Variants in PLBD1 observed in about 807,000 individuals in gnomAD.
PLBD1 encodes the protein lysosomal leucine aminopeptidase.
In PLBD1, 60 loss-of-function variants were observed where a neutral mutation model predicts 63.0. The observed-to-expected ratio is 0.95, with a 90% confidence interval of 0.77 to 1.18. PLBD1 has a LOEUF of 1.18. Among genes scored for constraint, PLBD1 ranks in the 50% most tolerant of loss-of-function variants. PLBD1 has a pLI of 0.00. For synonymous variants in PLBD1, 262 were observed against 248.0 expected (o/e 1.06, Z -0.53); for missense variants, 598 against 677.9 (o/e 0.88, Z 1.31).
chr12:14,525,682 AACACACACACACACAC>A (rs57722328), intron 6 of PLBD1, among the ~76,000 whole-genome samples: 6 of 149,128 alleles, frequency 4.0e-5, no homozygotes, highest in Non-Finnish European at 8.9e-5. Flanking sequence ...CTTACTTCTC[AACACACACACACACAC>A]ACACACACAC....
intron 6 of PLBD1, among the ~76,000 whole-genome samples, chr12:14,517,947 G>A (rs2136909536): frequency 6.6e-6 from 1 of 152,298 alleles, no homozygotes; most frequent in Non-Finnish European, 1.5e-5. Context: ...TTGGGAGGCT[G>A]AGGCAGGCGG....
intron 6 of PLBD1, among the ~76,000 whole-genome samples, chr12:14,532,910 G>A (rs1364206627): frequency 6.6e-6 from 1 of 152,212 alleles, no homozygotes; most frequent in Non-Finnish European, 1.5e-5. Flanking sequence ...GTAATTCCAA[G>A]CTGGGAGGGT....
rs1370842583 is a variant in PLBD1 at position 14,503,681 on chromosome 12, A to G, written c.*91T>C. The G allele has an allele frequency of 3.2e-6, 4 of 1,252,216 alleles. No individual in the cohort carries two copies. The East Asian group carries it at 9.4e-5, about 29-fold the overall frequency. 77.6% of individuals were successfully genotyped at this position (1,252,216 alleles called of 1,614,324 possible). A position where few individuals can be genotyped will look rare whatever the true frequency, so the allele number is the denominator to read the frequency against. On this transcript the variant is annotated 3_prime_UTR_variant, in exon 11 of 11. Transcript: ENST00000240617. ...GGAAATGAAAGTGACAAATTAATAT[A>G]TTTTATTGCATAATTCTGATGGGAA...
intron 2 of PLBD1, among the ~76,000 whole-genome samples, chr12:14,552,695 G>A (rs1337282287): frequency 6.6e-6 from 1 of 152,184 alleles, no homozygotes; most frequent in East Asian, 1.9e-4. Context: ...GAGGTCAGGA[G>A]TTTAGGACCA....
chr12:14,551,907 T>TA (rs1436144482), intron 2 of PLBD1, among the ~76,000 whole-genome samples: 2 of 152,180 alleles, frequency 1.3e-5, no homozygotes, highest in Non-Finnish European at 2.9e-5. Flanking sequence ...TAAACATGTT[T>TA]AAAAAATCTA....
intron 4 of PLBD1, among the ~76,000 whole-genome samples, chr12:14,539,005 C>T (rs943341793): frequency 3.3e-5 from 5 of 151,836 alleles, no homozygotes; most frequent in East Asian, 1.9e-4. Flanking sequence ...TGGGTGATAT[C>T]GCGAGGCTCT....
At chr12:14,561,603 G>A (rs1248817475) in intron 1 of PLBD1, among the ~76,000 whole-genome samples, 7 of 152,140 alleles carry the variant, frequency 4.6e-5, no homozygotes, top group Admixed American at 3.9e-4. Context: ...TGCCAAGGCT[G>A]GAATGCAATG....
At chr12:14,504,074 A>C (rs908192191) in intron 10 of PLBD1, 120 bp from the exon 11 acceptor site, 61 of 955,290 alleles carry the variant, frequency 6.4e-5, no homozygotes, top group Middle Eastern at 6.6e-4. Context: ...TTTGAGTCGG[A>C]GTTTCGCTCT....
chr12:14,519,371 A>G (rs1945359044), intron 6 of PLBD1, among the ~76,000 whole-genome samples: 1 of 152,188 alleles, frequency 6.6e-6, no homozygotes, highest in Non-Finnish European at 1.5e-5. Context: ...CTGTAATCCC[A>G]GCACTTTGGG....
chr12:14,518,285 C>T (rs529445468), intron 6 of PLBD1, among the ~76,000 whole-genome samples: 65 of 152,250 alleles, frequency 4.3e-4, no homozygotes, highest in African/African-American at 1.3e-3. Flanking sequence ...TTTTTGTTTT[C>T]CTTTCTATTT....
rs1021060603 is a variant in PLBD1, at chr12:14,503,690, C to A, written c.*82G>T. The A allele has an allele frequency of 3.1e-6, 4 of 1,305,832 alleles. No homozygotes were observed. The highest frequency in any genetic ancestry group is 4.6e-5 in the East Asian group (2 of 43,038). 80.9% of individuals were successfully genotyped at this position (1,305,832 alleles called of 1,614,324 possible). On this transcript the variant is annotated 3_prime_UTR_variant, in exon 11 of 11. Transcript: ENST00000240617. ...AGTGACAAATTAATATATTTTATTG[C>A]ATAATTCTGATGGGAAAAACATAGC...
At chr12:14,551,625 C>T (rs1945660295) in intron 2 of PLBD1, among the ~76,000 whole-genome samples, 1 of 152,168 alleles carries the variant, frequency 6.6e-6, no homozygotes, top group African/African-American at 2.4e-5. Flanking sequence ...TGAGCTCTAA[C>T]AATAACACCA....
At chr12:14,536,858 G>C in intron 4 of PLBD1, 148 bp from the exon 5 acceptor site, 1 of 1,006,940 alleles carries the variant, frequency 9.9e-7, no homozygotes, top group Non-Finnish European at 1.5e-6. Flanking sequence ...GGAGGCCAAC[G>C]CGGGTGGATC....
chr12:14,561,943 T>A (rs192807916), intron 1 of PLBD1, among the ~76,000 whole-genome samples: 1 of 152,340 alleles, frequency 6.6e-6, no homozygotes, highest in East Asian at 1.9e-4. Flanking sequence ...ACAGTCATTC[T>A]CGATTTCTAA....
At chr12:14,504,818 C>T (rs1402107066) in intron 10 of PLBD1, among the ~76,000 whole-genome samples, 1 of 152,108 alleles carries the variant, frequency 6.6e-6, no homozygotes, top group African/African-American at 2.4e-5. Context: ...CTTCTTTTCC[C>T]CATATTCAAA....
chr12:14,536,804 G>A, intron 4 of PLBD1, 94 bp from the exon 5 acceptor site: 3 of 1,484,228 alleles, frequency 2.0e-6, no homozygotes, highest in Non-Finnish European at 1.8e-6. Flanking sequence ...TTATTCCCTT[G>A]CAGGCTGTGC....
rs1283112046 is a variant in PLBD1 at position 14,540,099 on chromosome 12, A to T, written c.558+665T>A. On this transcript the variant is annotated intron_variant, in intron 4 of 10. Transcript: ENST00000240617. ...ATAGGCAAAAAGAGAGTTATATAAT[A>T]TAAATATTATTTATATATATATATA... Among the ~76,000 whole-genome samples the T allele has an allele frequency of 1.8e-3, 23 of 12,784 alleles. 3 individuals carry two copies. The East Asian group carries it at 0.13, about 70-fold the overall frequency. 8.4% of individuals were successfully genotyped at this position (12,784 alleles called of 152,430 possible). A position where few individuals can be genotyped will look rare whatever the true frequency, so the allele number is the denominator to read the frequency against.
chr12:14,547,199 T>TGTGTGG (rs1945623006), intron 2 of PLBD1, among the ~76,000 whole-genome samples: 1 of 151,436 alleles, frequency 6.6e-6, no homozygotes, highest in Non-Finnish European at 1.5e-5. Context: ...TGTGTGTGTG[T>TGTGTGG]GTGTGTGTGT....
intron 6 of PLBD1, among the ~76,000 whole-genome samples, chr12:14,530,436 G>A (rs1945450293): frequency 6.6e-6 from 1 of 152,068 alleles, no homozygotes; most frequent in Admixed American, 6.6e-5. Flanking sequence ...CTAATGTTTG[G>A]AGCAATTTGT....
Sources: gnomAD v4.1 joint callset for allele counts (sites outside exome capture counted in the v4.1 genomes callset) on GRCh38, gnomAD v4.1.1 for gene constraint, MANE v1.5 for transcripts, NCBI Gene and HGNC (gene_info 2026-07-23, HGNC 2026-07-21) for gene names.